SDK1: variants seen among roughly 807,000 people sequenced by gnomAD.
The protein encoded by SDK1 is protein sidekick-1.
SDK1 carries 157 observed loss-of-function variants against 245.5 expected under a neutral mutation model. That is an observed-to-expected ratio of 0.64 (90% CI 0.56 to 0.73). SDK1 has a LOEUF of 0.73. Among genes scored for constraint, SDK1 ranks in the 30% least tolerant of loss-of-function variants. The probability of loss-of-function intolerance (pLI) is 0.00; values close to 1 mark genes in which losing one functional copy is unlikely to be tolerated. For missense variants in SDK1, 3,583 were observed against 3,002.3 expected (o/e 1.19, Z -4.52); for synonymous variants, 1,647 against 1,278.5 (o/e 1.29, Z -6.15).
rs533752656 is a variant in SDK1 at position 3,627,624 on chromosome 7, A to G, written c.458+8385A>G. On this transcript the variant is annotated intron_variant, in intron 2 of 44. Coordinates refer to ENST00000404826, the MANE Select transcript of SDK1 (RefSeq NM_152744.4). ...AGTCTCTGCCGTTGCCACGTTTGGCATCTGGCATTGGCAAAAGCTAGATTA... is the reference window on the plus strand; with the variant it reads ...AGTCTCTGCCGTTGCCACGTTTGGCGTCTGGCATTGGCAAAAGCTAGATTA... Among the ~76,000 whole-genome samples the G allele has an allele frequency of 3.3e-5, 5 of 152,346 alleles. No homozygotes were observed. In the South Asian group the frequency reaches 1.0e-3, roughly 32 times the overall value.
At chr7:3,368,531 C>T (rs2128562611) in intron 1 of SDK1, among the ~76,000 whole-genome samples, 1 of 152,222 alleles carries the variant, frequency 6.6e-6, no homozygotes, top group South Asian at 2.1e-4. Context: ...TTAAAATCGG[C>T]ACGGAAGGGT....
chr7:3,663,831 A>G lies in SDK1; in HGVS notation c.713+21726A>G, dbSNP rs1030786196. Among the ~76,000 whole-genome samples, 36 of 152,232 alleles carry G rather than the reference A, an allele frequency of 2.4e-4. 1 individual carries two copies. The highest frequency in any genetic ancestry group is 2.3e-3 in the Admixed American group (35 of 15,284). Reference sequence around the variant, plus strand: ...AAACTAAATCTAAGATTAGCTAACTATCCTGTAAAGGCTAAGCAAGGCAGA... The same window carrying G: ...AAACTAAATCTAAGATTAGCTAACTGTCCTGTAAAGGCTAAGCAAGGCAGA... On this transcript the variant is annotated intron_variant, in intron 4 of 44. Transcript: ENST00000404826.
intron 35 of SDK1, among the ~76,000 whole-genome samples, chr7:4,199,765 C>G (rs1294393813): frequency 6.6e-6 from 1 of 152,170 alleles, no homozygotes; most frequent in Non-Finnish European, 1.5e-5. Context: ...CTGCCTTTCT[C>G]TCCACACATC....
chr7:4,118,392 T>C (rs550028110), intron 25 of SDK1, among the ~76,000 whole-genome samples: 1 of 152,302 alleles, frequency 6.6e-6, no homozygotes, highest in East Asian at 1.9e-4. Flanking sequence ...TTCACACTCC[T>C]AAAATAAGAT....
At chr7:3,616,084 C>T (rs1309977295) in intron 1 of SDK1, among the ~76,000 whole-genome samples, 3 of 152,062 alleles carry the variant, frequency 2.0e-5, no homozygotes. Flanking sequence ...GATGGGGTCT[C>T]ACTGTGTTGT....
At chr7:4,194,294 GTA>G (rs1783421477) in intron 35 of SDK1, among the ~76,000 whole-genome samples, 3 of 100,574 alleles carry the variant, frequency 3.0e-5, no homozygotes, top group African/African-American at 1.2e-4. Flanking sequence ...ATGTATGCAC[GTA>G]TGTGTATACA....
intron 1 of SDK1, among the ~76,000 whole-genome samples, chr7:3,370,367 C>G (rs143177407): frequency 6.6e-6 from 1 of 152,306 alleles, no homozygotes; most frequent in East Asian, 1.9e-4. Flanking sequence ...AAAACAATTG[C>G]AGTCAGTTGT....
chr7:4,022,561 G>A (rs1186685014), intron 17 of SDK1, among the ~76,000 whole-genome samples: 2 of 152,138 alleles, frequency 1.3e-5, no homozygotes, highest in East Asian at 1.9e-4. Flanking sequence ...AGGCTGCCCT[G>A]GTTGGCACAA....
At chr7:4,222,002 G>A (rs1028280511) in intron 40 of SDK1, among the ~76,000 whole-genome samples, 22 of 152,158 alleles carry the variant, frequency 1.4e-4, no homozygotes, top group African/African-American at 5.1e-4. Flanking sequence ...CAGAAAGCAC[G>A]GAACAGCTCC....
intron 1 of SDK1, among the ~76,000 whole-genome samples, chr7:3,567,034 A>G (rs947134849): frequency 3.3e-5 from 5 of 152,204 alleles, no homozygotes; most frequent in East Asian, 1.9e-4. Context: ...TACTGATCCC[A>G]CATTTATTTT....
intron 17 of SDK1, among the ~76,000 whole-genome samples, chr7:4,030,771 T>A (rs1445495959): frequency 6.6e-6 from 1 of 152,238 alleles, no homozygotes; most frequent in Non-Finnish European, 1.5e-5. Context: ...CTTCCCGCTG[T>A]GTTTCATCTG....
At chr7:3,685,174 A>G (rs560512092) in intron 4 of SDK1, among the ~76,000 whole-genome samples, 2 of 151,790 alleles carry the variant, frequency 1.3e-5, no homozygotes, top group South Asian at 2.1e-4. Context: ...AAATAAATTT[A>G]TACCAAGACA....
intron 29 of SDK1, among the ~76,000 whole-genome samples, chr7:4,146,269 C>G (rs1241839558): frequency 6.6e-6 from 1 of 151,844 alleles, no homozygotes; most frequent in Non-Finnish European, 1.5e-5. Flanking sequence ...CACTTTCAGC[C>G]TCACACCTGC....
At chr7:3,387,649 T>A (rs943382141) in intron 1 of SDK1, among the ~76,000 whole-genome samples, 1 of 152,214 alleles carries the variant, frequency 6.6e-6, no homozygotes, top group African/African-American at 2.4e-5. Flanking sequence ...GGATGTATAG[T>A]GGTGATGATT....
At chr7:3,327,208 C>T (rs1480134096) in intron 1 of SDK1, among the ~76,000 whole-genome samples, 2 of 152,016 alleles carry the variant, frequency 1.3e-5, no homozygotes, top group Non-Finnish European at 2.9e-5. Flanking sequence ...AATAGTGTCA[C>T]ACAGGGAATG....
At chr7:3,785,799 A>G (rs948684756) in intron 4 of SDK1, among the ~76,000 whole-genome samples, 2 of 152,224 alleles carry the variant, frequency 1.3e-5, no homozygotes, top group Admixed American at 6.5e-5. Context: ...GGTCCCAAGC[A>G]TGACAGATGC....
chr7:3,949,180 A>G lies in SDK1; in HGVS notation c.848-1743A>G, dbSNP rs183124724. Among the ~76,000 whole-genome samples the G allele has an allele frequency of 1.5e-3, 230 of 152,334 alleles. 2 individuals are homozygous for G. Among genetic ancestry groups the G allele is most frequent in the Non-Finnish European group, 3.1e-4 (21 of 68,030 alleles). Reference sequence around the variant, plus strand: ...GGTCCGCTGCAGAGTTGGAGAGTCTAGAGATGGGGAAGGCTGCCTCAGCCC... The same window carrying G: ...GGTCCGCTGCAGAGTTGGAGAGTCTGGAGATGGGGAAGGCTGCCTCAGCCC... On this transcript the variant is annotated intron_variant, in intron 5 of 44. Transcript: ENST00000404826.
chr7:3,371,669 C>T (rs1781231814), intron 1 of SDK1, among the ~76,000 whole-genome samples: 1 of 152,106 alleles, frequency 6.6e-6, no homozygotes, highest in African/African-American at 2.4e-5. Context: ...CAAACTTGGA[C>T]ACTCTCAGGA....
chr7:3,966,720 C>T (rs1437083554), intron 9 of SDK1, among the ~76,000 whole-genome samples: 1 of 151,994 alleles, frequency 6.6e-6, no homozygotes, highest in African/African-American at 2.4e-5. Flanking sequence ...AGGTCTCACT[C>T]TGTCACCCAG....
Sources: allele counts gnomAD v4.1 joint callset (sites outside exome capture counted in the v4.1 genomes callset), GRCh38; gene constraint gnomAD v4.1.1; transcripts MANE v1.5; gene names NCBI Gene and HGNC (gene_info 2026-07-23, HGNC 2026-07-21).